The following KIRREL3 variants were observed in gnomAD, a reference collection of about 807,000 sequenced individuals.
KIRREL3 encodes the protein kirre like nephrin family adhesion molecule 3.
Under a neutral mutation model 89.7 loss-of-function variants are expected in KIRREL3, and 36 were observed. The observed-to-expected ratio is 0.40, with a 90% CI of 0.31 to 0.53. The LOEUF is 0.53. Ranked by LOEUF, KIRREL3 falls within the 20% of genes least tolerant of loss-of-function variation. The pLI is 0.49. For synonymous variants in KIRREL3, 445 were observed against 441.4 expected, an observed-to-expected ratio of 1.01 and a Z score of -0.10; for missense variants, 864 against 1,056.6, an observed-to-expected ratio of 0.82 and a Z score of 2.53.
chr11:126,859,282 G>A (rs1314801823), intron 1 of KIRREL3, among the ~76,000 whole-genome samples: 1 of 152,152 alleles, frequency 6.6e-6, no homozygotes, highest in Non-Finnish European at 1.5e-5. Context: ...TTCTCACGAT[G>A]GGCCCAAGAG....
intron 1 of KIRREL3, among the ~76,000 whole-genome samples, chr11:126,863,388 TGC>T (rs1427797010): frequency 8.0e-5 from 4 of 50,194 alleles, no homozygotes; most frequent in Admixed American, 2.4e-4. Flanking sequence ...TGTGTTTGAG[TGC>T]GTGTGTGAGT....
intron 9 of KIRREL3, among the ~76,000 whole-genome samples, chr11:126,446,331 TCTTTC>T (rs1185607967): frequency 1.3e-5 from 2 of 151,930 alleles, no homozygotes; most frequent in African/African-American, 4.8e-5. Context: ...TTCCTTTCTT[TCTTTC>T]CTTTCTTCTT....
chr11:126,898,396 A>G lies in KIRREL3; in HGVS notation c.55+102059T>C, dbSNP rs1351648201. Among the ~76,000 whole-genome samples the G allele has an allele frequency of 1.3e-5, 2 of 152,208 alleles. No homozygotes were observed. Among genetic ancestry groups the G allele is most frequent in the Non-Finnish European group, 2.9e-5 (2 of 68,048 alleles). On this transcript the variant is annotated intron_variant, in intron 1 of 16. Transcript: ENST00000525144. The surrounding 1 kb of genome is among the most constrained non-coding windows in gnomAD (Gnocchi z 4.9). ...TGTGCATGCATATATCCTAAGGCAC[A>G]TAAGTAAGTATTGTGTGGTGGTATG...
At chr11:126,801,176 C>T (rs2134393716) in intron 1 of KIRREL3, among the ~76,000 whole-genome samples, 1 of 152,304 alleles carries the variant, frequency 6.6e-6, no homozygotes, top group African/African-American at 2.4e-5. Flanking sequence ...AACTCCACCC[C>T]TTTTACATTT....
At position 126,523,665 on chromosome 11, in the gene KIRREL3, C is replaced by G. The variant is rs568500986; in HGVS notation, c.284-2201G>C. Among the ~76,000 whole-genome samples, 5 of 152,232 alleles carry G rather than the reference C, an allele frequency of 3.3e-5. No homozygotes were observed. Among genetic ancestry groups the G allele is most frequent in the Admixed American group, 2.6e-4 (4 of 15,286 alleles). ...CCCAGGTAAGTTAAGCTGTCTCCCC[C>G]CAGGGCCAGGAGAGGGGCTGGAAAT... On this transcript the variant is annotated intron_variant, in intron 3 of 16. Transcript: ENST00000525144. This position sits in a 1 kb window ranked among gnomAD's most constrained non-coding sequence, Gnocchi z 4.9.
chr11:126,485,062 C>T lies in KIRREL3; in HGVS notation c.434-11596G>A, dbSNP rs138269004. Among the ~76,000 whole-genome samples the T allele has an allele frequency of 3.4e-4, 52 of 152,164 alleles. No individual in the cohort carries two copies. Among genetic ancestry groups the T allele is most frequent in the Admixed American group, 1.0e-3 (16 of 15,288 alleles). On this transcript the variant is annotated intron_variant, in intron 4 of 16. Coordinates refer to ENST00000525144, the MANE Select transcript of KIRREL3 (RefSeq NM_032531.4). The surrounding 1 kb of genome is among the most constrained non-coding windows in gnomAD (Gnocchi z 5.8). ...CTCAAACGCCTGACCTCAGGTGATC[C>T]GCCCACCTTAGCCTCCAAAGTGCTG... is the stretch of plus-strand genomic sequence containing the variant.
At chr11:126,973,537 C>T (rs536742521) in intron 1 of KIRREL3, among the ~76,000 whole-genome samples, 2 of 152,188 alleles carry the variant, frequency 1.3e-5, no homozygotes, top group Admixed American at 6.5e-5. Context: ...AAGAAAGTCA[C>T]TTCACCTCTC....
chr11:126,545,321 T>G (rs1938728597), intron 2 of KIRREL3, among the ~76,000 whole-genome samples: 1 of 152,076 alleles, frequency 6.6e-6, no homozygotes, highest in African/African-American at 2.4e-5. Flanking sequence ...AGGGGAGCCG[T>G]CTTTGCCTCC....
intron 1 of KIRREL3, among the ~76,000 whole-genome samples, chr11:126,938,060 G>A (rs541700648): frequency 1.3e-5 from 2 of 152,342 alleles, no homozygotes; most frequent in East Asian, 3.9e-4. Context: ...TAGAAGCCAT[G>A]TTAAGAGAAA....
Position 126,568,949 on chromosome 11 carries a change from G to A in KIRREL3, c.56-6037C>T, listed in dbSNP as rs1013942808. Among the ~76,000 whole-genome samples, 1 of 152,082 alleles carries A rather than the reference G, an allele frequency of 6.6e-6. No individual in the cohort carries two copies. The highest frequency in any genetic ancestry group is 1.5e-5 in the Non-Finnish European group (1 of 68,022). ...CCCAGGTTAGCACGTAGCCAACAGTGACATGGACTGGAAATGTGAGGCCAG... is the reference window on the plus strand; with the variant it reads ...CCCAGGTTAGCACGTAGCCAACAGTAACATGGACTGGAAATGTGAGGCCAG... On this transcript the variant is annotated intron_variant, in intron 1 of 16. Transcript: ENST00000525144. This position sits in a 1 kb window ranked among gnomAD's most constrained non-coding sequence, Gnocchi z 4.6.
At chr11:126,584,314 ATACAGCT>A (rs753296217) in intron 1 of KIRREL3, among the ~76,000 whole-genome samples, 1 of 152,146 alleles carries the variant, frequency 6.6e-6, no homozygotes, top group Non-Finnish European at 1.5e-5. Flanking sequence ...TCTAGATCCT[ATACAGCT>A]TATTCCAACA....
At chr11:126,497,251 C>T (rs12364767) in intron 4 of KIRREL3, among the ~76,000 whole-genome samples, 59,004 of 150,022 alleles carry the variant, frequency 0.39, 11,792 homozygotes, top group Non-Finnish European at 0.44. Context: ...TGAGTGTGTG[C>T]GTGACAGTGT....
chr11:126,456,522 G>T, intron 6 of KIRREL3, 68 bp from the exon 7 acceptor site: 2 of 1,058,458 alleles, frequency 1.9e-6, no homozygotes, highest in Non-Finnish European at 2.8e-6. Flanking sequence ...TGGGCGACAT[G>T]GAGGATACAG....
At position 126,428,000 on chromosome 11, in the gene KIRREL3, A is replaced by T. The variant is rs909489158; in HGVS notation, c.1806+1179T>A. Among the ~76,000 whole-genome samples, 25 of 152,212 alleles carry T rather than the reference A, an allele frequency of 1.6e-4. No individual in the cohort carries two copies. Among genetic ancestry groups the T allele is most frequent in the African/African-American group, 5.8e-4 (24 of 41,452 alleles). ...CGTAGCCGAGGGAAAAGTCAGTTTG[A>T]TTCAGTAAACGTCTGTGAGCCTCTA... On this transcript the variant is annotated intron_variant, in intron 15 of 16. Transcript: ENST00000525144. The surrounding 1 kb of genome is among the most constrained non-coding windows in gnomAD (Gnocchi z 5.3).
Position 126,996,034 on chromosome 11 carries a change from G to A in KIRREL3, c.55+4421C>T, listed in dbSNP as rs1292490218. Among the ~76,000 whole-genome samples, 7 of 152,030 alleles carry A rather than the reference G, an allele frequency of 4.6e-5. No homozygotes were observed. The highest frequency in any genetic ancestry group is 1.5e-4 in the African/African-American group (6 of 41,378). On this transcript the variant is annotated intron_variant, in intron 1 of 16. Transcript: ENST00000525144. This position sits in a 1 kb window ranked among gnomAD's most constrained non-coding sequence, Gnocchi z 4.7. The stretch of plus-strand genomic sequence containing the variant: ...TGAAGGCCTTGACCCCACCCCACTC[G>A]TCCTCCCCCTAGGGACTTTCTTTTC...
intron 1 of KIRREL3, among the ~76,000 whole-genome samples, chr11:126,859,052 CACAA>C (rs966719886): frequency 1.3e-5 from 2 of 152,276 alleles, no homozygotes; most frequent in African/African-American, 4.8e-5. Context: ...GCTGCTGAGG[CACAA>C]ACACTCTCTT....
intron 1 of KIRREL3, chr11:126,937,074 A>G (rs1232764966): frequency 1.3e-5 from 2 of 152,232 alleles, no homozygotes; most frequent in Admixed American, 6.5e-5. Context: ...CTGTTGTTGT[A>G]TTTATCTAGG....
rs149743760 is a variant in KIRREL3 at position 126,942,374 on chromosome 11, T to C, written c.55+58081A>G. On this transcript the variant is annotated intron_variant, in intron 1 of 16. Transcript: ENST00000525144. ...TCATCATGAAAAACATACTTTCTCA[T>C]GTTCTAAAGGGCCCAATTCATACTG... 1.9e-3 allele frequency among the ~76,000 whole-genome samples: 287 copies of C among 152,256 alleles called. 1 individual carries two copies. Among genetic ancestry groups the C allele is most frequent in the African/African-American group, 6.5e-3 (272 of 41,534 alleles).
At chr11:126,436,460 G>C (rs1955338709) in intron 12 of KIRREL3, among the ~76,000 whole-genome samples, 1 of 152,246 alleles carries the variant, frequency 6.6e-6, no homozygotes. Flanking sequence ...CATGGCAGAG[G>C]GCAGGGCACA....
Sources: gnomAD v4.1 joint callset for allele counts (sites outside exome capture counted in the v4.1 genomes callset) on GRCh38, gnomAD v4.1.1 for gene constraint, Gnocchi (gnomAD v3.1) non-coding constraint, MANE v1.5 for transcripts, NCBI Gene and HGNC (gene_info 2026-07-23, HGNC 2026-07-21) for gene names.